SLC6A2: variants seen among roughly 807,000 people sequenced by gnomAD.
SLC6A2 encodes the protein solute carrier family 6 member 2.
SLC6A2 carries 26 observed loss-of-function variants against 71.7 expected under a neutral mutation model. The ratio of observed to expected loss-of-function variants is 0.36; its 90% CI spans 0.27 to 0.50. The LOEUF (loss-of-function observed/expected upper bound fraction) is 0.50, where lower values mean the gene tolerates loss of function less well. Ranked by LOEUF, SLC6A2 falls within the 20% of genes least tolerant of loss-of-function variation. SLC6A2 has a pLI of 0.96. For missense variants in SLC6A2, 581 were observed against 803.9 expected (o/e 0.72, Z 3.35); for synonymous variants, 363 against 337.9 (o/e 1.07, Z -0.82).
At chr16:55,698,956 C>A (rs1965885326) in intron 11 of SLC6A2, among the ~76,000 whole-genome samples, 1 of 152,182 alleles carries the variant, frequency 6.6e-6, no homozygotes, top group African/African-American at 2.4e-5. Context: ...CATACTTACC[C>A]TAATTTTTTT....
At position 55,656,465 on chromosome 16, in the gene SLC6A2, C is replaced by T; in HGVS notation, c.-51-179C>T. 1.7e-6 allele frequency: 1 copy of T among 597,874 alleles called. No homozygotes were observed. The highest frequency in any genetic ancestry group is 2.0e-5 in the South Asian group (1 of 50,696). The allele number at this position is 597,874 out of a possible 1,614,324, so 37.0% of individuals were successfully genotyped here. On this transcript the variant is annotated intron_variant, in intron 1 of 14. Coordinates refer to ENST00000568943, the MANE Select transcript of SLC6A2 (RefSeq NM_001172501.3). This position sits in a 1 kb window ranked among gnomAD's most constrained non-coding sequence, Gnocchi z 4.5. ...GTCAGAAGTCTCCAACTCTTGAGTT[C>T]CGGCGTGCCCCAACCTCTGTTTCCA...
chr16:55,678,510 T>A (rs1354446452), intron 4 of SLC6A2, among the ~76,000 whole-genome samples: 4 of 152,150 alleles, frequency 2.6e-5, no homozygotes, highest in African/African-American at 9.7e-5. Context: ...ACTGAGCATA[T>A]CATTCAAGGG....
chr16:55,705,259 A>G lies in SLC6A2; in HGVS notation c.*2913A>G. On this transcript the variant is annotated 3_prime_UTR_variant, in exon 15 of 15. Transcript: ENST00000568943. Reference sequence around the variant, plus strand: ...AGAAGGAGAGCTACCAACTCTTGCCAGATATCCTGCTGAACAGAAATCCCT... The same window carrying G: ...AGAAGGAGAGCTACCAACTCTTGCCGGATATCCTGCTGAACAGAAATCCCT... The G allele has an allele frequency of 6.5e-7, 1 of 1,536,090 alleles. No individual in the cohort carries two copies. The highest frequency in any genetic ancestry group is 8.7e-7 in the Non-Finnish European group (1 of 1,146,632).
chr16:55,672,068 C>A lies in SLC6A2; in HGVS notation c.537C>A (p.Thr179=), dbSNP rs1964937213. The change falls in exon 4 of 15, where the codon ACC becomes ACA. Residue 179 remains threonine (T), a synonymous_variant. Transcript: ENST00000568943. ...TGCCCTGGACCGACTGTGGCCACAC[C>A]TGGAACAGCCCCAACTGTACCGACC... The part of the protein sequence containing the change: ...LNLPWTDCGH[T]WNSPNCTDPK... The A allele has an allele frequency of 1.9e-6, 3 of 1,614,196 alleles. No homozygotes were observed. Among genetic ancestry groups the A allele is most frequent in the Non-Finnish European group, 2.5e-6 (3 of 1,180,044 alleles).
chr16:55,679,046 G>T (rs1381119366), intron 4 of SLC6A2, among the ~76,000 whole-genome samples: 1 of 152,108 alleles, frequency 6.6e-6, no homozygotes, highest in Non-Finnish European at 1.5e-5. Flanking sequence ...GACACCAGAG[G>T]CATTTTGGCA....
At chr16:55,673,718 T>A (rs967489704) in intron 4 of SLC6A2, among the ~76,000 whole-genome samples, 5 of 152,102 alleles carry the variant, frequency 3.3e-5, no homozygotes, top group African/African-American at 7.2e-5. Context: ...TGCACCACCA[T>A]GCCTGGCTAA....
Position 55,669,318 on chromosome 16 carries a change from A to C in SLC6A2, c.275-247A>C, listed in dbSNP as rs114273149. On this transcript the variant is annotated intron_variant, in intron 2 of 14. Transcript: ENST00000568943. ...AGGCTAGGAGAAGCCTGCAAGAAGC[A>C]AACCTATTTTGCTTTGCTTAACCTA... Among the ~76,000 whole-genome samples the C allele has an allele frequency of 3.7e-3, 569 of 152,346 alleles. 6 individuals carry two copies. Among genetic ancestry groups the C allele is most frequent in the African/African-American group, 0.013 (537 of 41,588 alleles).
chr16:55,673,648 A>G (rs1964993709), intron 4 of SLC6A2, among the ~76,000 whole-genome samples: 1 of 152,090 alleles, frequency 6.6e-6, no homozygotes, highest in Non-Finnish European at 1.5e-5. Context: ...TGCAACTTCC[A>G]CTTCCCACAT....
intron 5 of SLC6A2, among the ~76,000 whole-genome samples, chr16:55,685,614 A>G (rs1299392448): frequency 6.6e-6 from 1 of 152,226 alleles, no homozygotes; most frequent in East Asian, 1.9e-4. Context: ...GATACTATCA[A>G]CATGCCCTTG....
At chr16:55,695,506 T>G (rs1965769497) in intron 8 of SLC6A2, 104 bp downstream of exon 8, 1 of 1,360,936 alleles carries the variant, frequency 7.3e-7, no homozygotes, top group African/African-American at 1.4e-5. Context: ...GAATACTGGG[T>G]TGTCCATGGA....
In SLC6A2 at chr16:55,685,148, G is replaced by T. The variant is rs1965409054; in HGVS notation, c.650G>T (p.Gly217Val). The T allele has an allele frequency of 6.2e-7, 1 of 1,614,024 alleles. No individual in the cohort carries two copies. The highest frequency in any genetic ancestry group is 1.7e-5 in the Admixed American group (1 of 59,998). The change falls in exon 5 of 15, where the codon GGT (glycine) becomes GTT (valine). Residue 217 changes from glycine (G) to valine (V), a missense_variant. Gly to Val is a moderately radical substitution (Grantham distance 109). Around this residue, in one of 5 missense-constraint regions of SLC6A2, gnomAD observed 87 missense variants for 99.5 expected, o/e 0.87. Coordinates refer to ENST00000568943, the MANE Select transcript of SLC6A2 (RefSeq NM_001172501.3). ...CTCCCCTCTCCTCTGGGCAGGCGTG[G>T]TGTCCTGCACCTTCACGAGAGCAGC... ...FTPAAEFYER[G>V]VLHLHESSGI... is the part of the protein sequence containing the mutation.
intron 8 of SLC6A2, among the ~76,000 whole-genome samples, chr16:55,695,643 C>G (rs535710069): frequency 6.6e-6 from 1 of 152,340 alleles, no homozygotes; most frequent in Admixed American, 6.5e-5. Context: ...GGATTTTGGA[C>G]TGTCCTCTCT....
At chr16:55,674,663 G>A (rs1965028143) in intron 4 of SLC6A2, among the ~76,000 whole-genome samples, 2 of 152,260 alleles carry the variant, frequency 1.3e-5, no homozygotes, top group South Asian at 4.1e-4. Context: ...GACCTCAGGT[G>A]ATCCACCTGC....
intron 2 of SLC6A2, among the ~76,000 whole-genome samples, chr16:55,667,952 T>A (rs779928371): frequency 6.6e-6 from 1 of 152,324 alleles, no homozygotes; most frequent in East Asian, 1.9e-4. Flanking sequence ...CAACCCTCAG[T>A]TTCCTCATCT....
intron 2 of SLC6A2, among the ~76,000 whole-genome samples, chr16:55,661,956 C>T (rs1418483808): frequency 2.0e-5 from 3 of 152,188 alleles, no homozygotes; most frequent in Non-Finnish European, 4.4e-5. Context: ...ACTCAGTGCT[C>T]TTATATCTGG....
chr16:55,674,181 C>G (rs550677129), intron 4 of SLC6A2, among the ~76,000 whole-genome samples: 1 of 151,798 alleles, frequency 6.6e-6, no homozygotes, highest in East Asian at 1.9e-4. Context: ...TTGTCCCCCT[C>G]CCTCCCTCAC....
chr16:55,698,567 T>C lies in SLC6A2; in HGVS notation c.1488T>C (p.Tyr496=). 6.2e-7 allele frequency: 1 copy of C among 1,607,400 alleles called. No individual in the cohort carries two copies. Among genetic ancestry groups the C allele is most frequent in the East Asian group, 2.2e-5 (1 of 44,842 alleles). The change falls in exon 11 of 15, where the codon TAT becomes TAC. Residue 496 remains tyrosine (Y), a splice_region_variant and synonymous_variant. Transcript: ENST00000568943. ...LMEAIGVSWF[Y]GVDRFSNDIQ... The stretch of plus-strand genomic sequence containing the variant: ...AAGCCATCGGAGTTTCCTGGTTTTA[T>C]GGTATGTGAGTGTGTGGAAAAGCCT...
At chr16:55,658,891 C>T (rs12923720) in intron 2 of SLC6A2, among the ~76,000 whole-genome samples, 13,686 of 152,208 alleles carry the variant, frequency 0.09, 773 homozygotes, top group Non-Finnish European at 0.12. Context: ...CCACCTTTGG[C>T]GGCTGCAGCC....
intron 6 of SLC6A2, among the ~76,000 whole-genome samples, chr16:55,693,780 C>G (rs1965711008): frequency 6.6e-6 from 1 of 152,202 alleles, no homozygotes; most frequent in Non-Finnish European, 1.5e-5. Context: ...ACAGGGTGAG[C>G]TCACTCACGA....
Sources: allele counts gnomAD v4.1 joint callset (sites outside exome capture counted in the v4.1 genomes callset), GRCh38; gene constraint gnomAD v4.1.1; regional missense constraint gnomAD v4.1.1; non-coding constraint Gnocchi (gnomAD v3.1); transcripts MANE v1.5; gene names NCBI Gene and HGNC (gene_info 2026-07-23, HGNC 2026-07-21).